CFAP221: variants seen among roughly 807,000 people sequenced by gnomAD.
CFAP221 encodes the protein cilia and flagella associated protein 221.
CFAP221 carries 97 observed loss-of-function variants against 113.1 expected under a neutral mutation model. That is an observed-to-expected ratio of 0.86 (90% CI 0.73 to 1.02). The LOEUF is 1.02. Among genes scored for constraint, CFAP221 ranks in the 50% least tolerant of loss-of-function variants. The pLI is 0.00. For missense variants in CFAP221, 1,025 were observed against 1,013.4 expected, an observed-to-expected ratio of 1.01 and a Z score of -0.16; for synonymous variants, 331 against 354.4, an observed-to-expected ratio of 0.93 and a Z score of 0.74.
Position 119,605,002 on chromosome 2 carries a change from G to T in CFAP221, c.1024+15G>T, listed in dbSNP as rs746553415. 8 of 1,608,020 alleles carry T rather than the reference G, an allele frequency of 5.0e-6. No individual in the cohort carries two copies. The African/African-American group carries it at 1.1e-4, about 22-fold the overall frequency. On this transcript the variant is annotated intron_variant, in intron 10 of 23. Transcript: ENST00000413369. The stretch of plus-strand genomic sequence containing the variant: ...ATTAAGAGAAGGTAACCAGTTGATT[G>T]GCCATAAAGCAGCCCCTGAGCAGAA...
At chr2:119,644,555 G>T (rs1687682733) in intron 21 of CFAP221, among the ~76,000 whole-genome samples, 1 of 152,088 alleles carries the variant, frequency 6.6e-6, no homozygotes, top group Non-Finnish European at 1.5e-5. Context: ...GGTTTGTTTT[G>T]GTGGGAAATG....
chr2:119,597,304 G>A (rs1012690408), intron 7 of CFAP221, among the ~76,000 whole-genome samples: 13 of 152,184 alleles, frequency 8.5e-5, no homozygotes, highest in African/African-American at 2.9e-4. Context: ...GGGTCTGTGT[G>A]GTCCTGGGGC....
rs184167971 is a variant in CFAP221 at position 119,592,027 on chromosome 2, A to T, written c.631+4805A>T. Among the ~76,000 whole-genome samples the T allele has an allele frequency of 8.3e-4, 127 of 152,338 alleles. No individual in the cohort carries two copies. The South Asian group carries it at 0.014, about 17-fold the overall frequency. On this transcript the variant is annotated intron_variant, in intron 7 of 23. Transcript: ENST00000413369. ...TATTATATAAATATTAAAACACTGA[A>T]GAAAAGTACCAAATCCAAGTTGAAA...
intron 2 of CFAP221, among the ~76,000 whole-genome samples, 189 bp from the exon 3 acceptor site, chr2:119,548,896 T>TA (rs1372892175): frequency 1.3e-5 from 2 of 152,210 alleles, no homozygotes; most frequent in African/African-American, 2.4e-5. Context: ...TGTTTAAAAA[T>TA]AGAGAGGGAG....
At chr2:119,590,883 G>A (rs751240793) in intron 7 of CFAP221, among the ~76,000 whole-genome samples, 20 of 152,284 alleles carry the variant, frequency 1.3e-4, no homozygotes, top group South Asian at 1.0e-3. Context: ...CAAACTGTGC[G>A]GGGTACAGAT....
At chr2:119,602,169 C>A (rs940724624) in intron 8 of CFAP221, among the ~76,000 whole-genome samples, 1 of 152,138 alleles carries the variant, frequency 6.6e-6, no homozygotes, top group African/African-American at 2.4e-5. Context: ...CACCTGAGGT[C>A]AGGCTTTCAA....
At chr2:119,633,868 T>C (rs936106834) in intron 19 of CFAP221, among the ~76,000 whole-genome samples, 1 of 152,246 alleles carries the variant, frequency 6.6e-6, no homozygotes, top group Non-Finnish European at 1.5e-5. Context: ...TACACACTAT[T>C]GGTAGAAATC....
intron 6 of CFAP221, among the ~76,000 whole-genome samples, chr2:119,563,889 A>AAAGAGCCT (rs1681436814): frequency 6.6e-6 from 1 of 152,224 alleles, no homozygotes; most frequent in African/African-American, 2.4e-5. Context: ...GCAGGCAGAG[A>AAAGAGCCT]AAGAGCCTCT....
chr2:119,579,389 C>G (rs1322305861), intron 6 of CFAP221, among the ~76,000 whole-genome samples: 1 of 151,794 alleles, frequency 6.6e-6, no homozygotes, highest in East Asian at 1.9e-4. Flanking sequence ...AAAATTCCAC[C>G]CAGACTCTAA....
intron 15 of CFAP221, among the ~76,000 whole-genome samples, chr2:119,626,320 G>A (rs1197399674): frequency 1.3e-5 from 2 of 152,146 alleles, no homozygotes; most frequent in Non-Finnish European, 2.9e-5. Context: ...CCTGGGAATG[G>A]GATGTGGGTA....
At chr2:119,658,619 G>GCA (rs370284869), downstream of CFAP221, among the ~76,000 whole-genome samples, 2,065 of 147,678 alleles carry the variant, frequency 0.014, 20 homozygotes, top group African/African-American at 0.033. Context: ...CCCTCAACAC[G>GCA]CACACACACA....
chr2:119,647,610 C>T (rs948683109), intron 22 of CFAP221, among the ~76,000 whole-genome samples: 8 of 152,122 alleles, frequency 5.3e-5, no homozygotes, highest in Non-Finnish European at 1.2e-4. Context: ...AGCATTCGTA[C>T]GTCCAGCTCA....
intron 14 of CFAP221, 85 bp from the exon 15 acceptor site, chr2:119,625,498 T>G: frequency 8.8e-7 from 1 of 1,130,774 alleles, no homozygotes; most frequent in Non-Finnish European, 1.3e-6. Context: ...GCTCTTAGTG[T>G]GGTTGGGGAA....
At position 119,594,242 on chromosome 2, in the gene CFAP221, A is replaced by ATT. The variant is rs571436967; in HGVS notation, c.632-6965_632-6964dup. ...TGAGGTTGTCCTCTTTTTCATGTGTATTTTTTTTTTTTGAAACAGAGTCTT... is the reference window on the plus strand; with the variant it reads ...TGAGGTTGTCCTCTTTTTCATGTGTATTTTTTTTTTTTTTGAAACAGAGTCTT... On this transcript the variant is annotated intron_variant, in intron 7 of 23. Transcript: ENST00000413369. Among the ~76,000 whole-genome samples the ATT allele has an allele frequency of 8.6e-4, 124 of 144,986 alleles. 1 individual carries two copies. The highest frequency in any genetic ancestry group is 3.0e-3 in the African/African-American group (118 of 39,636).
intron 14 of CFAP221, among the ~76,000 whole-genome samples, chr2:119,616,502 C>A (rs1015633932): frequency 6.6e-6 from 1 of 152,190 alleles, no homozygotes. Flanking sequence ...GTTGCCATCT[C>A]CCTTCTGTGG....
intron 5 of CFAP221, 74 bp from the exon 6 acceptor site, chr2:119,561,936 GAAAT>G (rs918038215): frequency 2.2e-6 from 2 of 924,486 alleles, no homozygotes; most frequent in Non-Finnish European, 3.3e-6. Context: ...AACAAGATAA[GAAAT>G]AAAGCATCTA....
intron 2 of CFAP221, among the ~76,000 whole-genome samples, chr2:119,548,026 C>T (rs1680171803): frequency 6.6e-6 from 1 of 152,082 alleles, no homozygotes; most frequent in African/African-American, 2.4e-5. Flanking sequence ...AGCAGTGGTA[C>T]AATCACAGCT....
chr2:119,608,565 G>T lies in CFAP221; in HGVS notation c.1197G>T (p.Trp399Cys), dbSNP rs368000329. The T allele has an allele frequency of 6.8e-6, 11 of 1,612,958 alleles. No individual in the cohort carries two copies. Among genetic ancestry groups the T allele is most frequent in the African/African-American group, 1.3e-5 (1 of 74,800 alleles). ...FKLKKELTEE[W>C]QKACAKYKLD... ...TTAAAAAAGAGCTTACTGAAGAGTG[G>T]CAAAAAGCATGTGCCAAATATAAGG... Residue 399 changes from tryptophan (W) to cysteine (C), a missense_variant, in exon 12 of 24, where the codon TGG (tryptophan) becomes TGT (cysteine). Physicochemically the swap from Trp to Cys is radical, Grantham distance 215. Transcript: ENST00000413369.
rs1574110335 is a variant in CFAP221 at position 119,605,244 on chromosome 2, A to T, written c.1088A>T (p.Lys363Ile). The T allele has an allele frequency of 6.2e-7, 1 of 1,614,226 alleles. No homozygotes were observed. Among genetic ancestry groups the T allele is most frequent in the Non-Finnish European group, 8.5e-7 (1 of 1,180,034 alleles). ...RQMKEALFEQ[K>I]VRQDIHEEME... ...ATGAAGGAGGCACTCTTTGAACAGA[A>T]AGTCAGACAGGACATTCACGAAGAG... The change falls in exon 11 of 24, where the codon AAA becomes ATA. Residue 363 changes from lysine (K) to isoleucine (I), a missense_variant. Coordinates refer to ENST00000413369, the MANE Select transcript of CFAP221 (RefSeq NM_001271049.2).
Sources: gnomAD v4.1 joint callset for allele counts (sites outside exome capture counted in the v4.1 genomes callset) on GRCh38, gnomAD v4.1.1 for gene constraint, MANE v1.5 for transcripts, NCBI Gene and HGNC (gene_info 2026-07-23, HGNC 2026-07-21) for gene names.